GUCY2C: variants seen among roughly 807,000 people sequenced by gnomAD.
The protein encoded by GUCY2C is guanylyl cyclase C.
A neutral mutation model predicts 131.1 loss-of-function variants in GUCY2C; 118 were observed. That is an observed-to-expected ratio of 0.90 (90% CI 0.78 to 1.05). GUCY2C has a LOEUF of 1.05. Among genes scored for constraint, GUCY2C ranks in the 50% least tolerant of loss-of-function variants. The pLI is 0.00. For synonymous variants in GUCY2C, 452 were observed against 457.8 expected (o/e 0.99, Z 0.16); for missense variants, 1,161 against 1,304.4 (o/e 0.89, Z 1.69).
intron 15 of GUCY2C, 52 bp from the exon 16 acceptor site, chr12:14,645,367 T>C: frequency 1.2e-6 from 1 of 851,734 alleles, no homozygotes; most frequent in Non-Finnish European, 2.0e-6. Flanking sequence ...AAGGATATTG[T>C]GGAGAGACTA....
At chr12:14,688,499 A>G (rs1165734193) in intron 1 of GUCY2C, among the ~76,000 whole-genome samples, 1 of 152,150 alleles carries the variant, frequency 6.6e-6, no homozygotes, top group Non-Finnish European at 1.5e-5. Context: ...AGACATAAAC[A>G]TTATGATAAC....
chr12:14,669,623 C>A, intron 10 of GUCY2C, 99 bp downstream of exon 10: 1 of 664,096 alleles, frequency 1.5e-6, no homozygotes. Flanking sequence ...GCAGACAAAA[C>A]ACAGCAAAAA....
chr12:14,682,955 T>C, intron 4 of GUCY2C, 87 bp downstream of exon 4: 2 of 813,848 alleles, frequency 2.5e-6, no homozygotes, highest in Admixed American at 3.9e-5. Flanking sequence ...CAGTGGAAGG[T>C]GCATCTGGTA....
intron 15 of GUCY2C, among the ~76,000 whole-genome samples, chr12:14,648,272 T>TA (rs71038619): frequency 7.8e-4 from 116 of 147,890 alleles, no homozygotes; most frequent in African/African-American, 2.7e-3. Context: ...ATCTTTAAAT[T>TA]AAAAAAAAAA....
In GUCY2C at chr12:14,613,025, C is replaced by G. The variant is rs1276690784; in HGVS notation, c.*92G>C. The G allele has an allele frequency of 2.9e-6, 3 of 1,043,088 alleles. No homozygotes were observed. Among genetic ancestry groups the G allele is most frequent in the Non-Finnish European group, 4.4e-6 (3 of 687,628 alleles). The allele number at this position is 1,043,088 out of a possible 1,614,324, so 64.6% of individuals were successfully genotyped here. On this transcript the variant is annotated 3_prime_UTR_variant, in exon 27 of 27. Transcript: ENST00000261170. This position sits in a 1 kb window ranked among gnomAD's most constrained non-coding sequence, Gnocchi z 4.9. The stretch of plus-strand genomic sequence containing the variant: ...AAGTACATTTCTGCTTCATTGAGGT[C>G]TCAGGAAAATGTAAGCTTTCAGGAC...
chr12:14,640,041 C>T, intron 18 of GUCY2C, 91 bp from the exon 19 acceptor site: 1 of 848,270 alleles, frequency 1.2e-6, no homozygotes, highest in Non-Finnish European at 2.0e-6. Context: ...GATTCACTCC[C>T]CTGGATGGCT....
At chr12:14,625,161 T>C (rs1290510838) in intron 21 of GUCY2C, among the ~76,000 whole-genome samples, 2 of 152,248 alleles carry the variant, frequency 1.3e-5, no homozygotes, top group East Asian at 3.9e-4. Context: ...TTGCAGGTGA[T>C]TTGACTTTCA....
At chr12:14,676,154 C>T (rs1305952453) in intron 7 of GUCY2C, among the ~76,000 whole-genome samples, 2 of 152,154 alleles carry the variant, frequency 1.3e-5, no homozygotes, top group Non-Finnish European at 2.9e-5. Flanking sequence ...TGGTTTGTCT[C>T]TGTGGGAAGA....
chr12:14,625,683 C>T, intron 21 of GUCY2C, 74 bp downstream of exon 21: 2 of 1,445,084 alleles, frequency 1.4e-6, no homozygotes, highest in Non-Finnish European at 1.9e-6. Flanking sequence ...TAAAAGGAAA[C>T]AAATCCTATA....
intron 16 of GUCY2C, among the ~76,000 whole-genome samples, chr12:14,644,676 T>G (rs7960387): frequency 0.83 from 125,971 of 151,400 alleles, 56,873 homozygotes; most frequent in East Asian, 0.99. Context: ...CATTTATTAT[T>G]GATTCCTGCA....
intron 10 of GUCY2C, among the ~76,000 whole-genome samples, chr12:14,664,135 A>G (rs746275419): frequency 3.9e-4 from 60 of 152,288 alleles, no homozygotes; most frequent in Middle Eastern, 3.4e-3. Context: ...AATGGTGAAA[A>G]TGTGAACTTT....
At chr12:14,673,041 T>C in intron 8 of GUCY2C, 83 bp from the exon 9 acceptor site, 1 of 788,644 alleles carries the variant, frequency 1.3e-6, no homozygotes, top group Non-Finnish European at 2.3e-6. Flanking sequence ...GAGTGTAAAA[T>C]GGGTTCAAAT....
At chr12:14,614,054 C>T (rs1320136824) in intron 26 of GUCY2C, among the ~76,000 whole-genome samples, 2 of 152,140 alleles carry the variant, frequency 1.3e-5, no homozygotes, top group African/African-American at 2.4e-5. Context: ...CATCAGGCAA[C>T]TCAACAGAAA....
chr12:14,668,071 A>T (rs2137065342), intron 10 of GUCY2C, among the ~76,000 whole-genome samples: 1 of 129,564 alleles, frequency 7.7e-6, no homozygotes, highest in East Asian at 2.2e-4. Flanking sequence ...TGGCACAATC[A>T]TGGCTCACTG....
intron 3 of GUCY2C, among the ~76,000 whole-genome samples, chr12:14,685,879 A>ATT (rs1326706994): frequency 1.3e-5 from 2 of 152,076 alleles, no homozygotes; most frequent in Non-Finnish European, 2.9e-5. Context: ...AAATTATCCA[A>ATT]TTTCACTGTC....
At chr12:14,688,111 G>C in intron 1 of GUCY2C, 48 bp from the exon 2 acceptor site, 1 of 1,114,190 alleles carries the variant, frequency 9.0e-7, no homozygotes. Flanking sequence ...TTATTTTTCA[G>C]TAATTTATAT....
intron 12 of GUCY2C, among the ~76,000 whole-genome samples, chr12:14,654,879 TG>T (rs767294393): frequency 5.6e-4 from 86 of 152,324 alleles, no homozygotes; most frequent in Non-Finnish European, 8.7e-4. Flanking sequence ...ACCATTGGCA[TG>T]AGGCTGTCTT....
intron 6 of GUCY2C, among the ~76,000 whole-genome samples, chr12:14,679,140 C>G (rs999445869): frequency 8.5e-5 from 13 of 152,190 alleles, no homozygotes; most frequent in Non-Finnish European, 1.9e-4. Flanking sequence ...TTACCAGGAA[C>G]AGTATTATTG....
At chr12:14,677,946 T>G (rs1383407911) in intron 6 of GUCY2C, among the ~76,000 whole-genome samples, 1 of 152,084 alleles carries the variant, frequency 6.6e-6, no homozygotes, top group Non-Finnish European at 1.5e-5. Context: ...ATGTTTGAAC[T>G]GCTGCAATTA....
Sources: gnomAD v4.1 joint callset for allele counts (sites outside exome capture counted in the v4.1 genomes callset) on GRCh38, gnomAD v4.1.1 for gene constraint, Gnocchi (gnomAD v3.1) non-coding constraint, MANE v1.5 for transcripts, NCBI Gene and HGNC (gene_info 2026-07-23, HGNC 2026-07-21) for gene names.